PDS5A: variants seen among roughly 807,000 people sequenced by gnomAD.
The protein encoded by PDS5A is PDS5 cohesin associated factor A, also known as sister chromatid cohesion protein PDS5 homolog A.
Under a neutral mutation model 167.1 loss-of-function variants are expected in PDS5A, and 42 were observed. The observed-to-expected ratio is 0.25, with a 90% CI of 0.20 to 0.33. PDS5A has a LOEUF of 0.33. Among genes scored for constraint, PDS5A ranks in the 10% least tolerant of loss-of-function variants. The pLI is 1.00. For missense variants in PDS5A, 1,033 were observed against 1,605.9 expected (o/e 0.64, Z 6.10); for synonymous variants, 553 against 554.6 (o/e 1.00, Z 0.04).
At chr4:39,930,246 A>AAAAAAAAAAAAAAAATT in intron 2 of PDS5A, among the ~76,000 whole-genome samples, 5 of 93,088 alleles carry the variant, frequency 5.4e-5, no homozygotes, top group Non-Finnish European at 1.1e-4. Flanking sequence ...AAAAAAAAAA[A>AAAAAAAAAAAAAAAATT]GTTTTTTTGT....
intron 17 of PDS5A, among the ~76,000 whole-genome samples, chr4:39,889,689 T>C (rs1449445487): frequency 6.6e-6 from 1 of 152,254 alleles, no homozygotes; most frequent in Admixed American, 6.5e-5. Flanking sequence ...GCTGCTTACC[T>C]TTTATATATT....
chr4:39,897,402 T>C (rs1296399448), intron 16 of PDS5A, among the ~76,000 whole-genome samples: 1 of 152,244 alleles, frequency 6.6e-6, no homozygotes, highest in East Asian at 1.9e-4. Flanking sequence ...CAAAAATTTT[T>C]ATTTTTTCCT....
intron 23 of PDS5A, among the ~76,000 whole-genome samples, chr4:39,864,805 C>T (rs1719288290): frequency 1.3e-5 from 2 of 152,220 alleles, no homozygotes; most frequent in Middle Eastern, 3.4e-3. Flanking sequence ...ATTTTCACTC[C>T]ATAAGATGAG....
In PDS5A at chr4:39,918,658, A is replaced by G. The variant is rs563450306; in HGVS notation, c.736-1470T>C. Among the ~76,000 whole-genome samples, 18 of 152,308 alleles carry G rather than the reference A, an allele frequency of 1.2e-4. No homozygotes were observed. In the South Asian group the frequency reaches 2.9e-3, roughly 25 times the overall value. On this transcript the variant is annotated intron_variant, in intron 7 of 32. Transcript: ENST00000303538. Reference sequence around the variant, plus strand: ...TACCTGAGGTCAGGAGTTCAAGACCAGCCTGGCCAACATGGTGAAACTCCA... The same window carrying G: ...TACCTGAGGTCAGGAGTTCAAGACCGGCCTGGCCAACATGGTGAAACTCCA...
Position 39,838,173 on chromosome 4 carries a change from G to T in PDS5A, c.3693C>A (p.Ile1231=). The T allele has an allele frequency of 1.9e-6, 3 of 1,610,524 alleles. No individual in the cohort carries two copies. The highest frequency in any genetic ancestry group is 2.5e-6 in the Non-Finnish European group (3 of 1,178,494). The change falls in exon 32 of 33, where the codon ATC becomes ATA. Residue 1231 remains isoleucine (I), a synonymous_variant. Transcript: ENST00000303538. ...TTCTTTTCTTTCCTCGGTCACTGCTGATGTTGCCCTGGGTAGCCTGATCAG... is the reference window on the plus strand; with the variant it reads ...TTCTTTTCTTTCCTCGGTCACTGCTTATGTTGCCCTGGGTAGCCTGATCAG... ...INSDQATQGN[I]SSDRGKKRTV...
intron 9 of PDS5A, among the ~76,000 whole-genome samples, chr4:39,912,026 C>T (rs1022416568): frequency 8.5e-5 from 13 of 152,092 alleles, no homozygotes; most frequent in African/African-American, 2.7e-4. Context: ...GTTTAATAAA[C>T]GTCTTAATGT....
intron 2 of PDS5A, chr4:39,973,623 A>C (rs1281471208): frequency 7.7e-7 from 1 of 1,299,726 alleles, no homozygotes; most frequent in South Asian, 1.2e-5. Flanking sequence ...AAGCCACTAA[A>C]GCAGTTACAG....
In PDS5A at chr4:39,870,892, C is replaced by T. The variant is rs113546487; in HGVS notation, c.2437-1430G>A. ...TTATATCAGCATTATTCACAACAGC[C>T]AACACGTAGAAGCAACCCAAGTGTC... is the stretch of plus-strand genomic sequence containing the variant. On this transcript the variant is annotated intron_variant, in intron 21 of 32. Coordinates refer to ENST00000303538, the MANE Select transcript of PDS5A (RefSeq NM_001100399.2). Among the ~76,000 whole-genome samples the T allele has an allele frequency of 4.2e-3, 636 of 152,020 alleles. 5 individuals are homozygous for T. The highest frequency in any genetic ancestry group is 0.014 in the African/African-American group (601 of 41,472).
intron 26 of PDS5A, among the ~76,000 whole-genome samples, chr4:39,856,112 T>C (rs1034557398): frequency 6.6e-6 from 1 of 152,070 alleles, no homozygotes; most frequent in Non-Finnish European, 1.5e-5. Flanking sequence ...GTGACTCATG[T>C]TAAAGGATCC....
chr4:39,834,023 G>A (rs1716162582), intron 32 of PDS5A, among the ~76,000 whole-genome samples: 1 of 152,054 alleles, frequency 6.6e-6, no homozygotes. Flanking sequence ...ACTGAAACAT[G>A]GCTTTACCAG....
Position 39,844,671 on chromosome 4 carries a change from G to A in PDS5A, c.3533C>T (p.Thr1178Ile). ...GAAAAGTTGCCTTGATCGATTTCCGGTTGAAGGGTTCAGCTCTGAATTTAC... is the reference window on the plus strand; with the variant it reads ...GAAAAGTTGCCTTGATCGATTTCCGATTGAAGGGTTCAGCTCTGAATTTAC... ...INVNSELNPS[T>I]GNRSREQSSE... is the part of the protein sequence containing the mutation. The change falls in exon 30 of 33, where the codon ACC (threonine) becomes ATC (isoleucine). Residue 1178 changes from threonine to isoleucine, a missense_variant. Around this residue, in one of 4 missense-constraint regions of PDS5A, gnomAD observed 233 missense variants for 264.0 expected, o/e 0.88. Coordinates refer to ENST00000303538, the MANE Select transcript of PDS5A (RefSeq NM_001100399.2). The A allele has an allele frequency of 6.2e-7, 1 of 1,607,744 alleles. No individual in the cohort carries two copies. The highest frequency in any genetic ancestry group is 8.5e-7 in the Non-Finnish European group (1 of 1,178,278).
rs1486340903 is a variant in PDS5A, at chr4:39,976,620, A to G, written c.-40-3T>C. Reference sequence around the variant, plus strand: ...GGTTCACAGTCCTCTACCGGCCTCTATCGGTCAGAAAACCAAAGTTCAGCG... The same window carrying G: ...GGTTCACAGTCCTCTACCGGCCTCTGTCGGTCAGAAAACCAAAGTTCAGCG... On this transcript the variant is annotated splice_region_variant and splice_polypyrimidine_tract_variant and intron_variant, in intron 1 of 32. Coordinates refer to ENST00000303538, the MANE Select transcript of PDS5A (RefSeq NM_001100399.2). 1.3e-6 allele frequency: 2 copies of G among 1,536,720 alleles called. No homozygotes were observed. The highest frequency in any genetic ancestry group is 1.8e-6 in the Non-Finnish European group (2 of 1,128,030).
Position 39,914,947 on chromosome 4 carries a change from CA to C in PDS5A, c.877-1222del, listed in dbSNP as rs1359446553. Among the ~76,000 whole-genome samples, 9 of 152,178 alleles carry C rather than the reference CA, an allele frequency of 5.9e-5. No individual in the cohort carries two copies. The East Asian group carries it at 1.5e-3, about 26-fold the overall frequency. Reference sequence around the variant, plus strand: ...TTATGAATGTTTTAACGTTCAAGAACAGGGGTTTTGTGGGTAAAACAGGCAC... The same window carrying C: ...TTATGAATGTTTTAACGTTCAAGAACGGGGTTTTGTGGGTAAAACAGGCAC... On this transcript the variant is annotated intron_variant, in intron 8 of 32. Transcript: ENST00000303538.
rs572061004 is a variant in PDS5A at position 39,844,639 on chromosome 4, T to C, written c.3548+17A>G. 18 of 1,597,410 alleles carry C rather than the reference T, an allele frequency of 1.1e-5. No homozygotes were observed. The highest frequency in any genetic ancestry group is 2.2e-5 in the East Asian group (1 of 44,784). ...GTAGTGAGTGCTAGTAACAAAATAATTGGAGAGAAAAGTTGCCTTGATCGA... is the reference window on the plus strand; with the variant it reads ...GTAGTGAGTGCTAGTAACAAAATAACTGGAGAGAAAAGTTGCCTTGATCGA... On this transcript the variant is annotated intron_variant, in intron 30 of 32. Transcript: ENST00000303538.
At chr4:39,850,562 C>T (rs779643220) in intron 26 of PDS5A, among the ~76,000 whole-genome samples, 1 of 152,156 alleles carries the variant, frequency 6.6e-6, no homozygotes, top group Admixed American at 6.5e-5. Flanking sequence ...CAACACACAG[C>T]AGTCTTGGGA....
chr4:39,948,449 C>T lies in PDS5A; in HGVS notation c.139-20285G>A, dbSNP rs540395579. Among the ~76,000 whole-genome samples the T allele has an allele frequency of 4.7e-5, 7 of 150,160 alleles. No individual in the cohort carries two copies. The South Asian group carries it at 6.3e-4, about 14-fold the overall frequency. On this transcript the variant is annotated intron_variant, in intron 2 of 32. Transcript: ENST00000303538. Reference sequence around the variant, plus strand: ...CAAGCAATTCTCTGCCTCAGCCTCCCGAGTAGCTGGGTTTATAGGCGCCTA... The same window carrying T: ...CAAGCAATTCTCTGCCTCAGCCTCCTGAGTAGCTGGGTTTATAGGCGCCTA...
intron 11 of PDS5A, among the ~76,000 whole-genome samples, chr4:39,906,453 CAGA>C (rs1019814228): frequency 3.3e-5 from 5 of 151,530 alleles, no homozygotes; most frequent in East Asian, 3.9e-4. Context: ...AGCTAGTTGG[CAGA>C]AGATTCTTTG....
intron 32 of PDS5A, among the ~76,000 whole-genome samples, chr4:39,830,447 CAG>C (rs2109465666): frequency 6.6e-6 from 1 of 152,182 alleles, no homozygotes; most frequent in African/African-American, 2.4e-5. Flanking sequence ...TTTTTTGAGA[CAG>C]AGTATCACTC....
At chr4:39,960,974 C>T (rs1451577068) in intron 2 of PDS5A, among the ~76,000 whole-genome samples, 8 of 152,104 alleles carry the variant, frequency 5.3e-5, no homozygotes, top group Non-Finnish European at 1.0e-4. Context: ...AGGCGTGAGC[C>T]ACCACACCCA....
Sources: gnomAD v4.1 joint callset for allele counts (sites outside exome capture counted in the v4.1 genomes callset) on GRCh38, gnomAD v4.1.1 for gene constraint, gnomAD v4.1.1 regional missense constraint, MANE v1.5 for transcripts, NCBI Gene and HGNC (gene_info 2026-07-23, HGNC 2026-07-21) for gene names.